The following IFRD1 variants were observed in gnomAD, a reference collection of about 807,000 sequenced individuals.
IFRD1 encodes the protein interferon related developmental regulator 1, also known as interferon-related developmental regulator 1.
Under a neutral mutation model 52.9 loss-of-function variants are expected in IFRD1, and 35 were observed. The ratio of observed to expected loss-of-function variants is 0.66; its 90% CI spans 0.51 to 0.88. IFRD1 has a LOEUF of 0.88. Ranked by LOEUF, IFRD1 falls within the 40% of genes least tolerant of loss-of-function variation. The pLI is 0.00. For synonymous variants in IFRD1, 184 were observed against 188.4 expected (o/e 0.98, Z 0.19); for missense variants, 517 against 550.8 (o/e 0.94, Z 0.61).
chr7:112,429,141 T>C (rs568836905), intron 1 of IFRD1, among the ~76,000 whole-genome samples: 2 of 152,370 alleles, frequency 1.3e-5, no homozygotes, highest in African/African-American at 2.4e-5. Flanking sequence ...TACTCCGTTG[T>C]ACTTTCTTGT....
chr7:112,462,432 A>G (rs1387201856), intron 8 of IFRD1, 54 bp downstream of exon 8: 2 of 1,201,764 alleles, frequency 1.7e-6, no homozygotes, highest in African/African-American at 3.0e-5. Flanking sequence ...CCATTGTTCC[A>G]TCATTACCTT....
intron 1 of IFRD1, among the ~76,000 whole-genome samples, chr7:112,439,294 T>C (rs1056485374): frequency 2.0e-5 from 3 of 152,194 alleles, no homozygotes; most frequent in Admixed American, 2.0e-4. Context: ...TTGGAACATA[T>C]GGGACTTTTA....
At chr7:112,456,176 T>A in intron 3 of IFRD1, 90 bp downstream of exon 3, 1 of 792,192 alleles carries the variant, frequency 1.3e-6, no homozygotes, top group Non-Finnish European at 2.3e-6. Flanking sequence ...GTGATTCTAA[T>A]CAGTTACCTT....
intron 1 of IFRD1, among the ~76,000 whole-genome samples, chr7:112,435,021 T>C (rs572116413): frequency 5.5e-4 from 84 of 152,338 alleles, no homozygotes; most frequent in Non-Finnish European, 6.5e-4. Flanking sequence ...CTGAGAGGTT[T>C]CAAATGCCAA....
At chr7:112,431,957 T>C (rs17159632) in intron 1 of IFRD1, among the ~76,000 whole-genome samples, 4,401 of 152,278 alleles carry the variant, frequency 0.029, 147 homozygotes, top group African/African-American at 0.084. Context: ...CAATACATAT[T>C]TACTAAACAA....
At chr7:112,463,800 A>G (rs1401351378) in intron 8 of IFRD1, among the ~76,000 whole-genome samples, 7 of 151,404 alleles carry the variant, frequency 4.6e-5, no homozygotes. Flanking sequence ...ATAAACATAT[A>G]TATAGACACA....
chr7:112,469,543 T>C (rs1414021771), intron 9 of IFRD1, among the ~76,000 whole-genome samples: 2 of 151,758 alleles, frequency 1.3e-5, no homozygotes, highest in Non-Finnish European at 2.9e-5. Flanking sequence ...CTATAAACTA[T>C]TCCTATATTT....
chr7:112,452,846 G>T (rs1795198778), intron 1 of IFRD1, among the ~76,000 whole-genome samples: 1 of 152,088 alleles, frequency 6.6e-6, no homozygotes, highest in Admixed American at 6.5e-5. Flanking sequence ...ATAATTCTTT[G>T]ATTAATTTAT....
intron 3 of IFRD1, 88 bp downstream of exon 3, chr7:112,456,174 A>G (rs967469474): frequency 1.2e-6 from 1 of 801,972 alleles, no homozygotes; most frequent in African/African-American, 1.7e-5. Context: ...GTGTGATTCT[A>G]ATCAGTTACC....
chr7:112,470,548 TTTG>T (rs1795720474), intron 9 of IFRD1, among the ~76,000 whole-genome samples: 1 of 151,898 alleles, frequency 6.6e-6, no homozygotes, highest in Non-Finnish European at 1.5e-5. Flanking sequence ...TGCGGGAAGG[TTTG>T]TTGTTTTGTT....
At chr7:112,452,469 G>T (rs1390294327) in intron 1 of IFRD1, 19 of 981,964 alleles carry the variant, frequency 1.9e-5, no homozygotes, top group Non-Finnish European at 2.1e-5. Flanking sequence ...CTGTGTTTCA[G>T]CTTTTCCTCA....
At chr7:112,436,611 A>G (rs1794699695) in intron 1 of IFRD1, among the ~76,000 whole-genome samples, 1 of 152,188 alleles carries the variant, frequency 6.6e-6, no homozygotes, top group African/African-American at 2.4e-5. Flanking sequence ...GTTCTGTCCC[A>G]GCTAATCAGG....
At chr7:112,436,706 T>C (rs1230319125) in intron 1 of IFRD1, among the ~76,000 whole-genome samples, 1 of 151,956 alleles carries the variant, frequency 6.6e-6, no homozygotes, top group African/African-American at 2.4e-5. Flanking sequence ...GCAATGCAAA[T>C]ATTATTATTT....
chr7:112,444,998 C>T (rs1039862046), intron 1 of IFRD1, among the ~76,000 whole-genome samples: 1 of 151,620 alleles, frequency 6.6e-6, no homozygotes, highest in Non-Finnish European at 1.5e-5. Context: ...GGAACAAGCA[C>T]TCAGGTTCCC....
At chr7:112,448,484 T>G (rs546910742), upstream of IFRD1, among the ~76,000 whole-genome samples, 3 of 152,336 alleles carry the variant, frequency 2.0e-5, no homozygotes, top group Admixed American at 2.0e-4. Context: ...ATAAAAGTTA[T>G]TGAGTCTACA....
intron 1 of IFRD1, chr7:112,435,460 G>C (rs1024328480): frequency 2.0e-5 from 3 of 152,190 alleles, no homozygotes; most frequent in African/African-American, 7.2e-5. Flanking sequence ...GCCAGGGGCT[G>C]TCTTCAATTT....
intron 1 of IFRD1, among the ~76,000 whole-genome samples, chr7:112,444,147 T>A (rs116631726): frequency 9.1e-4 from 138 of 152,352 alleles, no homozygotes; most frequent in African/African-American, 3.3e-3. Context: ...ATGGTACTTA[T>A]GGCTCACAGT....
chr7:112,464,073 T>G (rs1440676178), intron 8 of IFRD1, among the ~76,000 whole-genome samples: 1 of 148,906 alleles, frequency 6.7e-6, no homozygotes, highest in African/African-American at 2.5e-5. Flanking sequence ...TTTTTATATG[T>G]GGGTGCTGGT....
intron 1 of IFRD1, among the ~76,000 whole-genome samples, chr7:112,425,288 T>G (rs1411018424): frequency 6.6e-6 from 1 of 152,000 alleles, no homozygotes; most frequent in Non-Finnish European, 1.5e-5. Context: ...TAGGGCATCA[T>G]TTCTGGGTTT....
Sources: allele counts gnomAD v4.1 joint callset (sites outside exome capture counted in the v4.1 genomes callset), GRCh38; gene constraint gnomAD v4.1.1; transcripts MANE v1.5; gene names NCBI Gene and HGNC (gene_info 2026-07-23, HGNC 2026-07-21).